MAST4: variants seen among roughly 807,000 people sequenced by gnomAD.
MAST4 encodes microtubule associated serine/threonine kinase family member 4, also known as microtubule-associated serine/threonine-protein kinase 4.
In MAST4, 89 loss-of-function variants were observed where a neutral mutation model predicts 162.7. The observed-to-expected ratio is 0.55, with a 90% confidence interval of 0.46 to 0.65. The LOEUF is 0.65. Ranked by LOEUF, MAST4 falls within the 30% of genes least tolerant of loss-of-function variation. The pLI is 0.00. For missense variants in MAST4, 3,153 were observed against 3,374.0 expected, an observed-to-expected ratio of 0.93 and a Z score of 1.62; for synonymous variants, 1,479 against 1,361.1, an observed-to-expected ratio of 1.09 and a Z score of -1.91.
At position 66,856,389 on chromosome 5, in the gene MAST4, A is replaced by G. The variant is rs1759687942; in HGVS notation, c.643-43562A>G. 3.9e-5 allele frequency among the ~76,000 whole-genome samples: 6 copies of G among 152,198 alleles called. No individual in the cohort carries two copies. The South Asian group carries it at 1.2e-3, about 31-fold the overall frequency. The stretch of plus-strand genomic sequence containing the variant: ...GTAGGACCTTGATGGTTTGGATGGG[A>G]AAATGTGGGAGATCAGAGACATGGT... On this transcript the variant is annotated intron_variant, in intron 3 of 28. Transcript: ENST00000403625.
intron 23 of MAST4, among the ~76,000 whole-genome samples, chr5:67,148,694 C>T (rs1333038793): frequency 6.6e-6 from 1 of 152,112 alleles, no homozygotes; most frequent in African/African-American, 2.4e-5. Context: ...TAAAAGCCAG[C>T]AGGATGAAGT....
At chr5:66,817,274 C>T (rs1344699751) in intron 3 of MAST4, among the ~76,000 whole-genome samples, 3 of 152,120 alleles carry the variant, frequency 2.0e-5, no homozygotes, top group South Asian at 2.1e-4. Context: ...TTAAACAAAT[C>T]GATTCATGTA....
In MAST4 at chr5:66,788,711, C is replaced by A; in HGVS notation, c.559C>A (p.Pro187Thr). The change falls in exon 3 of 29, where the codon CCG becomes ACG. Residue 187 changes from proline (P) to threonine (T), a missense_variant. By Grantham distance (38) the Pro-to-Thr change is conservative. Around this residue, in one of 7 missense-constraint regions of MAST4, gnomAD observed 327 missense variants for 336.5 expected, o/e 0.97. Transcript: ENST00000403625. The part of the protein sequence containing the change: ...LPNPVAGQAW[P>T]ASAETSNLVR... Reference sequence around the variant, plus strand: ...AAACCCGGTGGCGGGACAGGCCTGGCCGGCCTCTGCAGAGACGTCCAACCT... The same window carrying A: ...AAACCCGGTGGCGGGACAGGCCTGGACGGCCTCTGCAGAGACGTCCAACCT... 1 of 1,613,450 alleles carries A rather than the reference C, an allele frequency of 6.2e-7. No homozygotes were observed. Among genetic ancestry groups the A allele is most frequent in the Non-Finnish European group, 8.5e-7 (1 of 1,179,628 alleles).
chr5:66,678,346 A>G (rs1239428591), intron 1 of MAST4, among the ~76,000 whole-genome samples: 2 of 152,138 alleles, frequency 1.3e-5, no homozygotes, highest in African/African-American at 2.4e-5. Flanking sequence ...CACAGTGACT[A>G]TAGTTAATAA....
chr5:67,090,071 G>A (rs1211512196), intron 5 of MAST4, 91 bp from the exon 6 acceptor site: 6 of 903,570 alleles, frequency 6.6e-6, no homozygotes, highest in Admixed American at 2.1e-5. Flanking sequence ...CTACAGAAAT[G>A]TAAATAAACT....
chr5:66,872,590 G>A (rs913264616), intron 3 of MAST4, among the ~76,000 whole-genome samples: 10 of 152,156 alleles, frequency 6.6e-5, no homozygotes, highest in Admixed American at 1.3e-4. Context: ...CCTTCCCGCC[G>A]AGCCGCAGAC....
At position 67,100,654 on chromosome 5, in the gene MAST4, T is replaced by G. The variant is rs980333945; in HGVS notation, c.1070+62T>G. 1.1e-5 allele frequency: 18 copies of G among 1,598,198 alleles called. No homozygotes were observed. The African/African-American group carries it at 2.3e-4, about 20-fold the overall frequency. ...ATTCTCTATTTTCAAACATTTTGAG[T>G]GAACACTTCGGTCCTTTAGGTCATA... On this transcript the variant is annotated intron_variant, in intron 8 of 28. Coordinates refer to ENST00000403625, the MANE Select transcript of MAST4 (RefSeq NM_001164664.2).
At position 67,168,191 on chromosome 5, in the gene MAST4, C is replaced by T. The variant is rs1480225838; in HGVS notation, c.*1140C>T. On this transcript the variant is annotated 3_prime_UTR_variant, in exon 29 of 29. Transcript: ENST00000403625. ...ATCGATTAAAGAATAATCAGGACAT[C>T]AGATACATTTTAATACATAGCTGGG... 1 of 152,042 alleles carries T rather than the reference C, an allele frequency of 6.6e-6. No individual in the cohort carries two copies. The highest frequency in any genetic ancestry group is 1.5e-5 in the Non-Finnish European group (1 of 68,016). The allele number at this position is 152,042 out of a possible 1,614,324, so 9.4% of individuals were successfully genotyped here.
At chr5:66,605,478 G>A (rs534135616) in intron 1 of MAST4, among the ~76,000 whole-genome samples, 7 of 152,324 alleles carry the variant, frequency 4.6e-5, no homozygotes, top group East Asian at 1.9e-4. Context: ...GCAGGAGAGC[G>A]AATGAGAGGA....
At chr5:66,609,574 A>T (rs1464745507) in intron 1 of MAST4, among the ~76,000 whole-genome samples, 2 of 150,310 alleles carry the variant, frequency 1.3e-5, no homozygotes, top group Non-Finnish European at 3.0e-5. Flanking sequence ...TTTTTTAAAT[A>T]CTGGGTTTTG....
intron 10 of MAST4, among the ~76,000 whole-genome samples, 200 bp from the exon 11 acceptor site, chr5:67,109,898 A>G (rs1234539293): frequency 6.6e-6 from 1 of 152,236 alleles, no homozygotes; most frequent in Admixed American, 6.5e-5. Context: ...TTTAGCTAAT[A>G]GAAAGATTTT....
At chr5:66,633,665 A>G (rs1744923083) in intron 1 of MAST4, among the ~76,000 whole-genome samples, 1 of 152,228 alleles carries the variant, frequency 6.6e-6, no homozygotes, top group Non-Finnish European at 1.5e-5. Flanking sequence ...AAGAATTCAA[A>G]TACTTTGTCA....
At chr5:67,012,854 A>G (rs1051849697) in intron 4 of MAST4, among the ~76,000 whole-genome samples, 2 of 152,234 alleles carry the variant, frequency 1.3e-5, no homozygotes, top group African/African-American at 4.8e-5. Flanking sequence ...ATTAATGTCT[A>G]TTGGACATGC....
chr5:66,660,318 G>C (rs1335431276), intron 1 of MAST4, among the ~76,000 whole-genome samples: 1 of 152,140 alleles, frequency 6.6e-6, no homozygotes, highest in Non-Finnish European at 1.5e-5. Flanking sequence ...AACCCAGGAG[G>C]CAGAGGTTGC....
chr5:66,813,188 C>A (rs190543940), intron 3 of MAST4, among the ~76,000 whole-genome samples: 91 of 152,272 alleles, frequency 6.0e-4, no homozygotes, highest in African/African-American at 2.0e-3. Context: ...TTGTGGGGAG[C>A]TTTTCATCTC....
intron 1 of MAST4, among the ~76,000 whole-genome samples, chr5:66,637,982 C>T (rs1431837681): frequency 6.6e-6 from 1 of 152,212 alleles, no homozygotes; most frequent in Non-Finnish European, 1.5e-5. Flanking sequence ...GGATTACAGA[C>T]ATGAGCCACC....
At chr5:66,970,532 G>A (rs1017165674) in intron 4 of MAST4, among the ~76,000 whole-genome samples, 3 of 152,184 alleles carry the variant, frequency 2.0e-5, no homozygotes, top group Admixed American at 6.5e-5. Context: ...ACTCATCCAT[G>A]TATAGACACC....
At chr5:67,033,145 A>G (rs1394796438) in intron 4 of MAST4, among the ~76,000 whole-genome samples, 1 of 151,824 alleles carries the variant, frequency 6.6e-6, no homozygotes, top group Non-Finnish European at 1.5e-5. Context: ...TTGGCAGTTA[A>G]TTAGTTCTTA....
chr5:67,123,659 T>C (rs2150962271), intron 14 of MAST4, among the ~76,000 whole-genome samples: 1 of 152,350 alleles, frequency 6.6e-6, no homozygotes, highest in South Asian at 2.1e-4. Context: ...GTAGAGGTCC[T>C]ACCTCTTCCA....
Sources: gnomAD v4.1 joint callset for allele counts (sites outside exome capture counted in the v4.1 genomes callset) on GRCh38, gnomAD v4.1.1 for gene constraint, gnomAD v4.1.1 regional missense constraint, MANE v1.5 for transcripts, NCBI Gene and HGNC (gene_info 2026-07-23, HGNC 2026-07-21) for gene names.